The following DAG1 variants were observed in gnomAD, a reference collection of about 807,000 sequenced individuals.
DAG1 encodes the protein dystroglycan 1 (dystrophin-associated glycoprotein 1).
Under a neutral mutation model 46.1 loss-of-function variants are expected in DAG1, and 8 were observed. The ratio of observed to expected loss-of-function variants is 0.17; its 90% CI spans 0.10 to 0.31. DAG1 has a LOEUF of 0.31. DAG1 is among the 10% of genes least tolerant of loss of function. The pLI, the probability that DAG1 is intolerant of heterozygous loss-of-function variation, is 1.00. For synonymous variants in DAG1, 495 were observed against 481.8 expected (o/e 1.03, Z -0.36); for missense variants, 1,003 against 1,189.9 (o/e 0.84, Z 2.31).
chr3:49,493,734 G>A (rs1044597672), intron 1 of DAG1, among the ~76,000 whole-genome samples: 1 of 152,226 alleles, frequency 6.6e-6, no homozygotes, highest in Admixed American at 6.5e-5. Flanking sequence ...AGCTAGTGGG[G>A]CCTAGCCCAG....
At chr3:49,507,148 C>G (rs950317632) in intron 1 of DAG1, among the ~76,000 whole-genome samples, 1 of 151,908 alleles carries the variant, frequency 6.6e-6, no homozygotes, top group Non-Finnish European at 1.5e-5. Context: ...GTCAGGAGTT[C>G]AGGACCAGCC....
At chr3:49,504,372 G>A (rs2050539207) in intron 1 of DAG1, among the ~76,000 whole-genome samples, 1 of 151,614 alleles carries the variant, frequency 6.6e-6, no homozygotes, top group South Asian at 2.1e-4. Context: ...TGGTATGCAT[G>A]TACCATAGTT....
chr3:49,506,961 GAA>G (rs777442171), intron 1 of DAG1, among the ~76,000 whole-genome samples: 1 of 112,240 alleles, frequency 8.9e-6, no homozygotes, highest in Non-Finnish European at 2.0e-5. Context: ...AAAGAAAAAT[GAA>G]AAAAAAAAAA....
intron 1 of DAG1, among the ~76,000 whole-genome samples, chr3:49,494,424 T>G (rs1295986144): frequency 6.6e-6 from 1 of 152,050 alleles, no homozygotes; most frequent in Non-Finnish European, 1.5e-5. Flanking sequence ...TGTTTTGGAG[T>G]CTAATTGGCC....
Position 49,495,340 on chromosome 3 carries a change from A to G in DAG1, c.-116-15079A>G, listed in dbSNP as rs754061758. Among the ~76,000 whole-genome samples the G allele has an allele frequency of 1.9e-4, 29 of 152,338 alleles. 1 individual carries two copies. Among genetic ancestry groups the G allele is most frequent in the South Asian group, 1.2e-3 (6 of 4,832 alleles). On this transcript the variant is annotated intron_variant, in intron 1 of 2. Transcript: ENST00000308775. ...TGTGTTTCCTGATTTAGTAATGTAT[A>G]TAAATCTTAATTGAATATTTTTGTG...
intron 2 of DAG1, among the ~76,000 whole-genome samples, chr3:49,522,433 C>T (rs1445507770): frequency 1.3e-5 from 2 of 151,572 alleles, no homozygotes; most frequent in East Asian, 1.9e-4. Flanking sequence ...CGAAGTGCTG[C>T]GATTGCAGGC....
At chr3:49,528,060 C>A (rs1396182715) in intron 2 of DAG1, among the ~76,000 whole-genome samples, 1 of 152,120 alleles carries the variant, frequency 6.6e-6, no homozygotes, top group East Asian at 1.9e-4. Context: ...CTCTCCACCT[C>A]TCAGGACCCC....
chr3:49,520,168 C>CTCT (rs1421802667), intron 2 of DAG1, among the ~76,000 whole-genome samples: 9 of 152,238 alleles, frequency 5.9e-5, no homozygotes, highest in African/African-American at 2.2e-4. Flanking sequence ...AAGCTAGAGG[C>CTCT]TCTTCCTGTT....
At chr3:49,505,747 C>G (rs1199757399) in intron 1 of DAG1, among the ~76,000 whole-genome samples, 1 of 152,042 alleles carries the variant, frequency 6.6e-6, no homozygotes, top group Non-Finnish European at 1.5e-5. Context: ...TCTTGGCTCA[C>G]CGCAACCTCC....
rs2051431120 is a variant in DAG1 at position 49,533,560 on chromosome 3, C to T, written c.*361C>T. The T allele has an allele frequency of 2.2e-6, 1 of 457,080 alleles. No homozygotes were observed. 28.3% of individuals were successfully genotyped at this position (457,080 alleles called of 1,614,324 possible). A position where few individuals can be genotyped will look rare whatever the true frequency, so the allele number is the denominator to read the frequency against. On this transcript the variant is annotated 3_prime_UTR_variant, in exon 3 of 3. Coordinates refer to ENST00000308775, the MANE Select transcript of DAG1 (RefSeq NM_004393.6). ...GGCAGTGCCGGGCGGCCCCCTGGCT[C>T]TCTGCGTTTTGCCTTTAACACTAAC...
chr3:49,505,223 G>T (rs2050572292), intron 1 of DAG1, among the ~76,000 whole-genome samples: 1 of 151,662 alleles, frequency 6.6e-6, no homozygotes, highest in African/African-American at 2.4e-5. Flanking sequence ...CTCAAGTGAT[G>T]CTTCTGCCTC....
In DAG1 at chr3:49,497,647, T is replaced by A. The variant is rs551096138; in HGVS notation, c.-116-12772T>A. ...AATAAAAATAACCCCAAACCCACCT[T>A]TTTAAATTGTGAAAAACACAATATA... On this transcript the variant is annotated intron_variant, in intron 1 of 2. Transcript: ENST00000308775. Among the ~76,000 whole-genome samples, 8 of 152,210 alleles carry A rather than the reference T, an allele frequency of 5.3e-5. No homozygotes were observed. The South Asian group carries it at 1.7e-3, about 32-fold the overall frequency.
At chr3:49,513,425 A>T (rs1344375838) in intron 2 of DAG1, among the ~76,000 whole-genome samples, 1 of 152,186 alleles carries the variant, frequency 6.6e-6, no homozygotes, top group Non-Finnish European at 1.5e-5. Flanking sequence ...TGGTCAAAGC[A>T]CATATAGACT....
intron 1 of DAG1, among the ~76,000 whole-genome samples, chr3:49,480,306 C>T (rs569838248): frequency 3.0e-4 from 40 of 131,766 alleles, no homozygotes; most frequent in South Asian, 1.2e-3. Context: ...GACGGAGTCT[C>T]GCTCTATCGC....
At chr3:49,501,255 A>C (rs904937448) in intron 1 of DAG1, among the ~76,000 whole-genome samples, 8 of 152,164 alleles carry the variant, frequency 5.3e-5, no homozygotes, top group Non-Finnish European at 1.2e-4. Context: ...TTTTTAAATA[A>C]GCTGAGAATT....
At position 49,514,308 on chromosome 3, in the gene DAG1, T is replaced by G. The variant is rs527451072; in HGVS notation, c.285+3489T>G. Among the ~76,000 whole-genome samples, 3 of 152,270 alleles carry G rather than the reference T, an allele frequency of 2.0e-5. No individual in the cohort carries two copies. The East Asian group carries it at 5.8e-4, about 29-fold the overall frequency. Reference sequence around the variant, plus strand: ...TCTTATTATAATAATGATGCATAAATGTACATTGTGGAAAATATAGAAAGG... The same window carrying G: ...TCTTATTATAATAATGATGCATAAAGGTACATTGTGGAAAATATAGAAAGG... On this transcript the variant is annotated intron_variant, in intron 2 of 2. Coordinates refer to ENST00000308775, the MANE Select transcript of DAG1 (RefSeq NM_004393.6).
Position 49,535,332 on chromosome 3 carries a change from CAG to C in DAG1, c.*2137_*2138del, listed in dbSNP as rs2051481394. The C allele has an allele frequency of 6.5e-6, 1 of 152,694 alleles. No homozygotes were observed. The highest frequency in any genetic ancestry group is 1.5e-5 in the Non-Finnish European group (1 of 68,050). The allele number at this position is 152,694 out of a possible 1,614,324, so 9.5% of individuals were successfully genotyped here. A position where few individuals can be genotyped will look rare whatever the true frequency, so the allele number is the denominator to read the frequency against. Reference sequence around the variant, plus strand: ...AACTCCACCATTGGGCACTGCCATGCAGAGACGTGGCTGGCCCAGAATGGCCT... The same window carrying C: ...AACTCCACCATTGGGCACTGCCATGCAGACGTGGCTGGCCCAGAATGGCCT... On this transcript the variant is annotated 3_prime_UTR_variant, in exon 3 of 3. Coordinates refer to ENST00000308775, the MANE Select transcript of DAG1 (RefSeq NM_004393.6).
At chr3:49,471,117 C>T (rs939702588) in intron 1 of DAG1, 1 of 152,156 alleles carries the variant, frequency 6.6e-6, no homozygotes, top group Admixed American at 6.5e-5. Flanking sequence ...TTGAAAAGTT[C>T]TTATTTTTGT....
rs768293578 is a variant in DAG1 at position 49,532,185 on chromosome 3, C to T, written c.1674C>T (p.Ser558=). The change falls in exon 3 of 3, where the codon AGC becomes AGT. Residue 558 remains serine, a synonymous_variant. Coordinates refer to ENST00000308775, the MANE Select transcript of DAG1 (RefSeq NM_004393.6). The surrounding 1 kb of genome is among the most constrained non-coding windows in gnomAD (Gnocchi z 5.4). ...EKSWVQFNSN[S]QLMYGLPDSS... ...CCTGGGTACAGTTCAACAGCAACAGCCAGCTCATGTATGGCCTTCCCGACA... is the reference window on the plus strand; with the variant it reads ...CCTGGGTACAGTTCAACAGCAACAGTCAGCTCATGTATGGCCTTCCCGACA... 60 of 1,614,144 alleles carry T rather than the reference C, an allele frequency of 3.7e-5. No homozygotes were observed. The South Asian group carries it at 5.8e-4, about 16-fold the overall frequency.
Sources: allele counts gnomAD v4.1 joint callset (sites outside exome capture counted in the v4.1 genomes callset), GRCh38; gene constraint gnomAD v4.1.1; non-coding constraint Gnocchi (gnomAD v3.1); transcripts MANE v1.5; gene names NCBI Gene and HGNC (gene_info 2026-07-23, HGNC 2026-07-21).